The following GRAMD2B variants were observed in gnomAD, a reference collection of about 807,000 sequenced individuals.
The protein encoded by GRAMD2B is GRAM domain-containing protein 2B.
GRAMD2B carries 41 observed loss-of-function variants against 59.2 expected under a neutral mutation model. That is an observed-to-expected ratio of 0.69 (90% CI 0.54 to 0.90). The LOEUF is 0.90. GRAMD2B is among the 40% of genes least tolerant of loss of function. The pLI, the probability that GRAMD2B is intolerant of heterozygous loss-of-function variation, is 0.00. For missense variants in GRAMD2B, 424 were observed against 500.5 expected (o/e 0.85, Z 1.46); for synonymous variants, 161 against 182.7 (o/e 0.88, Z 0.96).
At chr5:126,466,671 C>T (rs920984236) in intron 2 of GRAMD2B, among the ~76,000 whole-genome samples, 2 of 152,216 alleles carry the variant, frequency 1.3e-5, no homozygotes, top group East Asian at 1.9e-4. Context: ...GGTGATCCAC[C>T]GGCCTTGGCC....
In GRAMD2B at chr5:126,401,043, T is replaced by C. The variant is rs545998420; in HGVS notation, c.125+29476T>C. Among the ~76,000 whole-genome samples the C allele has an allele frequency of 1.4e-3, 209 of 152,258 alleles. 4 individuals carry two copies. The highest frequency in any genetic ancestry group is 4.9e-3 in the African/African-American group (204 of 41,588). On this transcript the variant is annotated intron_variant, in intron 1 of 8. Transcript: ENST00000506445. ...ATAAGCTTTCTTCCCATTTCTCTTT[T>C]CTTTCAGAGGCTCTCGTAATGCATA...
chr5:126,421,514 T>A (rs2897984), upstream of GRAMD2B, among the ~76,000 whole-genome samples: 122,232 of 152,114 alleles, frequency 0.8, 49,616 homozygotes, highest in East Asian at 0.91. Context: ...CCCAGAGTTT[T>A]CCCCATCCCA....
intron 1 of GRAMD2B, chr5:126,462,556 T>C: frequency 2.5e-6 from 1 of 401,918 alleles, no homozygotes; most frequent in Non-Finnish European, 3.4e-6. Flanking sequence ...GAATTTCACT[T>C]CCTCTTTGAG....
In GRAMD2B at chr5:126,477,780, C is replaced by T. The variant is rs367543362; in HGVS notation, c.575C>T (p.Thr192Ile). 2 of 1,602,510 alleles carry T rather than the reference C, an allele frequency of 1.2e-6. No individual in the cohort carries two copies. The highest frequency in any genetic ancestry group is 2.7e-5 in the African/African-American group (2 of 74,646). Residue 192 changes from threonine (T) to isoleucine (I), a missense_variant, in exon 6 of 14, where the codon ACA (threonine) becomes ATA (isoleucine). Coordinates refer to ENST00000285689, the MANE Select transcript of GRAMD2B (RefSeq NM_023927.4). ...AACGCCCTGATCATAGCAACAGTCA[C>T]AGACAGGGTGAGTATGCAGCCGAGC... ...VPNALIIATVTDRYIFVSLLS... is the reference protein window; with the variant it reads ...VPNALIIATVIDRYIFVSLLS...
At chr5:126,488,318 G>A (rs1223236017) in intron 12 of GRAMD2B, among the ~76,000 whole-genome samples, 1 of 152,140 alleles carries the variant, frequency 6.6e-6, no homozygotes, top group Non-Finnish European at 1.5e-5. Context: ...AATTATAGTT[G>A]TATGATAAAT....
At position 126,485,726 on chromosome 5, in the gene GRAMD2B, T is replaced by G. The variant is rs1200584789; in HGVS notation, c.1011T>G (p.Ser337=). ...ETVGILHKVK[S]QKCPMLHHIL... is the part of the protein sequence containing the mutation. ...TTGGAATCTTACATAAAGTCAAGTC[T>G]CAGAAATGTCCGATGCTTCACCATA... Residue 337 remains serine, a synonymous_variant, in exon 11 of 14, where the codon TCT becomes TCG. Transcript: ENST00000285689. The G allele has an allele frequency of 1.2e-6, 2 of 1,612,874 alleles. No individual in the cohort carries two copies. Among genetic ancestry groups the G allele is most frequent in the Admixed American group, 3.3e-5 (2 of 59,992 alleles).
chr5:126,407,789 G>A lies in GRAMD2B; in HGVS notation c.125+36222G>A, dbSNP rs184887729. ...TCTCAATTTGTAAAACTACTACTCT[G>A]GCTAATAATGATGTGATGATGGTGA... On this transcript the variant is annotated intron_variant, in intron 1 of 8. Coordinates refer to the GRAMD2B transcript ENST00000506445. 3.1e-3 allele frequency among the ~76,000 whole-genome samples: 469 copies of A among 152,042 alleles called. 3 individuals carry two copies. Among genetic ancestry groups the A allele is most frequent in the African/African-American group, 0.011 (446 of 41,500 alleles).
intron 1 of GRAMD2B, among the ~76,000 whole-genome samples, chr5:126,389,149 T>C (rs185237965): frequency 3.8e-4 from 58 of 152,330 alleles, no homozygotes; most frequent in Admixed American, 1.8e-3. Context: ...ACATAACTTA[T>C]CATGTTGCAC....
upstream of GRAMD2B, among the ~76,000 whole-genome samples, chr5:126,367,230 G>C (rs1310047830): frequency 6.6e-6 from 1 of 152,090 alleles, no homozygotes; most frequent in East Asian, 1.9e-4. Flanking sequence ...ATTAATAATA[G>C]CCTAAACACA....
At chr5:126,436,266 A>T (rs957870199) in intron 1 of GRAMD2B, among the ~76,000 whole-genome samples, 13 of 152,208 alleles carry the variant, frequency 8.5e-5, no homozygotes, top group Non-Finnish European at 1.6e-4. Context: ...ATAATAATTG[A>T]ATTTAATGCA....
chr5:126,434,911 C>T (rs1393522146), intron 1 of GRAMD2B, among the ~76,000 whole-genome samples: 1 of 152,184 alleles, frequency 6.6e-6, no homozygotes. Flanking sequence ...CTGAGAAGTT[C>T]CTGAGCATAC....
rs940991799 is a variant in GRAMD2B, at chr5:126,371,361, C to G, written c.-82C>G. 4 of 1,210,792 alleles carry G rather than the reference C, an allele frequency of 3.3e-6. No individual in the cohort carries two copies. The African/African-American group carries it at 6.3e-5, about 19-fold the overall frequency. The allele number at this position is 1,210,792 out of a possible 1,614,324, so 75.0% of individuals were successfully genotyped here. ...ATTCAAGGACTGTACAAAGCTGAAA[C>G]GCAGAGATTTTCATATTATTTGGGA... On this transcript the variant is annotated 5_prime_UTR_variant, in exon 1 of 9. Coordinates refer to the GRAMD2B transcript ENST00000506445.
intron 1 of GRAMD2B, among the ~76,000 whole-genome samples, chr5:126,462,772 G>T (rs921017225): frequency 2.6e-5 from 4 of 152,166 alleles, no homozygotes; most frequent in Non-Finnish European, 5.9e-5. Context: ...TCAGCAGGCA[G>T]CATAGAGACT....
rs769254358 is a variant in GRAMD2B, at chr5:126,473,223, T to C, written c.383-42T>C. The stretch of plus-strand genomic sequence containing the variant: ...ATATATACACGGTTTTTATTTTAAG[T>C]GGAAATTCTAAATGATGCTGTGCCT... On this transcript the variant is annotated intron_variant, in intron 4 of 13. Coordinates refer to ENST00000285689, the MANE Select transcript of GRAMD2B (RefSeq NM_023927.4). 11 of 720,396 alleles carry C rather than the reference T, an allele frequency of 1.5e-5. No homozygotes were observed. In the South Asian group the frequency reaches 3.1e-4, roughly 20 times the overall value. The allele number at this position is 720,396 out of a possible 1,614,324, so 44.6% of individuals were successfully genotyped here.
chr5:126,426,350 G>A (rs1760620576), intron 1 of GRAMD2B, among the ~76,000 whole-genome samples: 1 of 151,876 alleles, frequency 6.6e-6, no homozygotes, highest in Admixed American at 6.6e-5. Context: ...TTTCCTTCAT[G>A]TGAAGCCTTC....
intron 11 of GRAMD2B, 43 bp downstream of exon 11, chr5:126,485,816 C>T: frequency 8.2e-7 from 1 of 1,220,108 alleles, no homozygotes; most frequent in Non-Finnish European, 1.2e-6. Context: ...AAAATGATTC[C>T]ATTCGCTAAA....
chr5:126,423,175 C>T, upstream of GRAMD2B: 2 of 1,002,606 alleles, frequency 2.0e-6, no homozygotes, highest in East Asian at 1.1e-4. Context: ...CTAAAAATCC[C>T]CCTGTTACAG....
chr5:126,447,846 A>T (rs1423048596), intron 1 of GRAMD2B, among the ~76,000 whole-genome samples: 2 of 150,568 alleles, frequency 1.3e-5, no homozygotes, highest in Non-Finnish European at 3.0e-5. Context: ...ACAAGTAAAC[A>T]GTAGCCCATT....
At chr5:126,477,898 C>A (rs1423241128) in intron 6 of GRAMD2B, 111 bp downstream of exon 6, 6 of 711,236 alleles carry the variant, frequency 8.4e-6, no homozygotes, top group Non-Finnish European at 1.5e-5. Context: ...AATATCATCT[C>A]CTGTGGTGAA....
Sources: allele counts gnomAD v4.1 joint callset (sites outside exome capture counted in the v4.1 genomes callset), GRCh38; gene constraint gnomAD v4.1.1; transcripts MANE v1.5; gene names NCBI Gene and HGNC (gene_info 2026-07-23, HGNC 2026-07-21).